ERBB4: variants seen among roughly 807,000 people sequenced by gnomAD.
ERBB4 encodes erb-b2 receptor tyrosine kinase 4, also known as receptor tyrosine-protein kinase erbB-4.
Under a neutral mutation model 158.0 loss-of-function variants are expected in ERBB4, and 42 were observed. The ratio of observed to expected loss-of-function variants is 0.27; its 90% confidence interval spans 0.21 to 0.34. The LOEUF (loss-of-function observed/expected upper bound fraction) is 0.34. Ranked by LOEUF, ERBB4 falls within the 10% of genes least tolerant of loss-of-function variation. The probability of loss-of-function intolerance (pLI) is 1.00; values close to 1 mark genes in which losing one functional copy is unlikely to be tolerated. For missense variants in ERBB4, 1,333 were observed against 1,624.1 expected, an observed-to-expected ratio of 0.82 and a Z score of 3.08; for synonymous variants, 583 against 558.7, an observed-to-expected ratio of 1.04 and a Z score of -0.61.
In ERBB4 at chr2:211,828,312, G is replaced by T. The variant is rs1370198869; in HGVS notation, c.422-40153C>A. 3.3e-5 allele frequency among the ~76,000 whole-genome samples: 5 copies of T among 152,044 alleles called. No individual in the cohort carries two copies. In the East Asian group the frequency reaches 7.7e-4, roughly 23 times the overall value. ...TAGTTACGTATTAACGAGGATGGTT[G>T]TATGGTTATCATTTTCGCACCAGAA... On this transcript the variant is annotated intron_variant, in intron 3 of 27. Coordinates refer to ENST00000342788, the MANE Select transcript of ERBB4 (RefSeq NM_005235.3).
chr2:212,305,646 A>G (rs563895982), intron 1 of ERBB4, among the ~76,000 whole-genome samples: 2 of 151,514 alleles, frequency 1.3e-5, no homozygotes, highest in African/African-American at 4.8e-5. Flanking sequence ...CTGGAATGTA[A>G]AATATTATGA....
intron 17 of ERBB4, among the ~76,000 whole-genome samples, chr2:211,624,970 G>A (rs1332136548): frequency 6.6e-6 from 1 of 151,728 alleles, no homozygotes; most frequent in Non-Finnish European, 1.5e-5. Context: ...GTAAAATTAG[G>A]CTGATAGTTT....
At chr2:211,836,048 A>G (rs1296288259) in intron 3 of ERBB4, among the ~76,000 whole-genome samples, 1 of 152,112 alleles carries the variant, frequency 6.6e-6, no homozygotes, top group Non-Finnish European at 1.5e-5. Flanking sequence ...AAGTATAAAT[A>G]AAAATAAGCC....
chr2:211,420,478 G>C lies in ERBB4; in HGVS notation c.3098C>G (p.Pro1033Arg), dbSNP rs771687184. The C allele has an allele frequency of 1.9e-6, 3 of 1,612,344 alleles. No homozygotes were observed. The highest frequency in any genetic ancestry group is 2.5e-6 in the Non-Finnish European group (3 of 1,178,768). The change falls in exon 25 of 28, where the codon CCC becomes CGC. Residue 1033 changes from proline (P) to arginine (R), a missense_variant. Physicochemically the swap from Pro to Arg is moderately radical, Grantham distance 103. Transcript: ENST00000342788. ...LVPQAFNIPPPIYTSRARIDS... is the reference protein window; with the variant it reads ...LVPQAFNIPPRIYTSRARIDS... ...AATTCTTGCTCTGGAAGTATAGATG[G>C]GAGGTGGGATGTTGAAAGCCTGAGG...
intron 20 of ERBB4, among the ~76,000 whole-genome samples, chr2:211,550,941 G>A (rs1008417232): frequency 6.7e-6 from 1 of 149,222 alleles, no homozygotes; most frequent in Admixed American, 6.7e-5. Flanking sequence ...GGTTCCCCCC[G>A]ACCACCTTTT....
intron 2 of ERBB4, among the ~76,000 whole-genome samples, chr2:212,003,720 G>A (rs560766030): frequency 2.0e-4 from 31 of 152,182 alleles, no homozygotes; most frequent in African/African-American, 5.5e-4. Context: ...TGATACTAGC[G>A]TATTAATCGA....
At chr2:211,512,447 C>CAA (rs35256083) in intron 20 of ERBB4, among the ~76,000 whole-genome samples, 80,093 of 146,926 alleles carry the variant, frequency 0.55, 21,609 homozygotes, top group Middle Eastern at 0.58. Flanking sequence ...ACCAAAATCT[C>CAA]AAAAAAAAAA....
At chr2:212,441,836 T>A (rs2092261096) in intron 1 of ERBB4, among the ~76,000 whole-genome samples, 1 of 152,172 alleles carries the variant, frequency 6.6e-6, no homozygotes, top group Admixed American at 6.5e-5. Flanking sequence ...GAGACTGGGA[T>A]GGTGGCGTGG....
intron 2 of ERBB4, among the ~76,000 whole-genome samples, chr2:212,094,556 A>C (rs1479116010): frequency 6.6e-6 from 1 of 151,282 alleles, no homozygotes; most frequent in East Asian, 1.9e-4. Flanking sequence ...AGTTAAATAA[A>C]ATATGAAAAT....
At chr2:211,725,913 C>A (rs1456492012) in intron 5 of ERBB4, among the ~76,000 whole-genome samples, 1 of 152,016 alleles carries the variant, frequency 6.6e-6, no homozygotes, top group Admixed American at 6.6e-5. Context: ...CAACAAAAAT[C>A]ATCATTGGTC....
At chr2:212,394,323 ATT>A (rs1232524136) in intron 1 of ERBB4, among the ~76,000 whole-genome samples, 1 of 152,116 alleles carries the variant, frequency 6.6e-6, no homozygotes, top group Non-Finnish European at 1.5e-5. Flanking sequence ...AAAATATTAA[ATT>A]TACAATGAGA....
At chr2:211,779,141 C>A (rs1475326130) in intron 4 of ERBB4, 1 of 152,212 alleles carries the variant, frequency 6.6e-6, no homozygotes, top group Non-Finnish European at 1.5e-5. Context: ...CACGAGCATA[C>A]AGCACCTCTA....
chr2:211,849,821 GC>G, intron 3 of ERBB4, among the ~76,000 whole-genome samples: 1 of 145,718 alleles, frequency 6.9e-6, no homozygotes. Context: ...ATATCTTACT[GC>G]CCAGCAAAAT....
At chr2:211,653,363 C>T (rs2071076499) in intron 16 of ERBB4, among the ~76,000 whole-genome samples, 1 of 152,080 alleles carries the variant, frequency 6.6e-6, no homozygotes, top group Admixed American at 6.5e-5. Flanking sequence ...TGGAAACCAA[C>T]TAATACATTG....
intron 1 of ERBB4, among the ~76,000 whole-genome samples, chr2:212,173,077 G>A (rs976225085): frequency 1.3e-5 from 2 of 152,044 alleles, no homozygotes; most frequent in Non-Finnish European, 2.9e-5. Flanking sequence ...ATTTTGAAAA[G>A]TTAAAAAACA....
chr2:212,350,402 T>C (rs1003740868), intron 1 of ERBB4, among the ~76,000 whole-genome samples: 4 of 152,108 alleles, frequency 2.6e-5, no homozygotes, highest in Admixed American at 2.6e-4. Context: ...AAATATTGCA[T>C]GAGATGAATT....
At chr2:211,987,916 A>G (rs1047308716) in intron 2 of ERBB4, among the ~76,000 whole-genome samples, 8 of 152,196 alleles carry the variant, frequency 5.3e-5, no homozygotes, top group Non-Finnish European at 1.2e-4. Context: ...TATACAGTTC[A>G]GAACTCGCCA....
At chr2:211,832,233 A>G in intron 3 of ERBB4, among the ~76,000 whole-genome samples, 1 of 152,146 alleles carries the variant, frequency 6.6e-6, no homozygotes, top group Non-Finnish European at 1.5e-5. Flanking sequence ...CTTGACATAT[A>G]AGCCATGGAT....
intron 3 of ERBB4, among the ~76,000 whole-genome samples, chr2:211,800,943 G>A (rs1458870203): frequency 1.3e-5 from 2 of 152,118 alleles, no homozygotes; most frequent in Non-Finnish European, 2.9e-5. Context: ...TTAATGAATA[G>A]GGTAAAATGA....
Sources: gnomAD v4.1 joint callset for allele counts (sites outside exome capture counted in the v4.1 genomes callset) on GRCh38, gnomAD v4.1.1 for gene constraint, MANE v1.5 for transcripts, NCBI Gene and HGNC (gene_info 2026-07-23, HGNC 2026-07-21) for gene names.